Variants in TIMM17A observed in about 807,000 individuals in gnomAD.
The protein encoded by TIMM17A is translocase of inner mitochondrial membrane 17A, also known as mitochondrial import inner membrane translocase subunit Tim17-A.
In TIMM17A, 15 loss-of-function variants were observed where a neutral mutation model predicts 26.5. The observed-to-expected ratio is 0.57, with a 90% CI of 0.38 to 0.87. The LOEUF (loss-of-function observed/expected upper bound fraction) is 0.87, where lower values mean the gene tolerates loss of function less well. Among genes scored for constraint, TIMM17A ranks in the 40% least tolerant of loss-of-function variants. The pLI, the probability that TIMM17A is intolerant of heterozygous loss-of-function variation, is 0.00. For synonymous variants in TIMM17A, 80 were observed against 70.8 expected, an observed-to-expected ratio of 1.13 and a Z score of -0.66; for missense variants, 201 against 210.0, an observed-to-expected ratio of 0.96 and a Z score of 0.27.
chr1:201,968,882 CTT>C (rs34417220), intron 5 of TIMM17A, among the ~76,000 whole-genome samples: 8 of 144,398 alleles, frequency 5.5e-5, no homozygotes, highest in Admixed American at 2.1e-4. Context: ...CCCTAAAAGT[CTT>C]TTTTTTTTTT....
intron 5 of TIMM17A, among the ~76,000 whole-genome samples, chr1:201,966,138 C>G (rs1682619856): frequency 6.6e-6 from 1 of 152,106 alleles, no homozygotes; most frequent in African/African-American, 2.4e-5. Flanking sequence ...GCCTGTTGTT[C>G]CTCCTATATG....
In TIMM17A at chr1:201,969,675, A is replaced by G. The variant is rs950491524; in HGVS notation, c.*121A>G. The G allele has an allele frequency of 1.6e-5, 12 of 728,696 alleles. No individual in the cohort carries two copies. The highest frequency in any genetic ancestry group is 2.3e-5 in the Non-Finnish European group (10 of 434,470). The allele number at this position is 728,696 out of a possible 1,614,324, so 45.1% of individuals were successfully genotyped here. A position where few individuals can be genotyped will look rare whatever the true frequency, so the allele number is the denominator to read the frequency against. ...GACAGCTATGGCCAATAGGCTATAA[A>G]GAGACATTTAGCACTTTTTTCTATT... On this transcript the variant is annotated 3_prime_UTR_variant, in exon 6 of 6. Transcript: ENST00000367287.
chr1:201,963,289 T>C (rs1483148147), intron 3 of TIMM17A: 1 of 190,586 alleles, frequency 5.2e-6, no homozygotes, highest in Admixed American at 6.4e-5. Context: ...TTAGCCAGGC[T>C]GGTCTTGAAC....
chr1:201,967,348 A>G (rs1682651949), intron 5 of TIMM17A, among the ~76,000 whole-genome samples: 1 of 151,952 alleles, frequency 6.6e-6, no homozygotes, highest in Non-Finnish European at 1.5e-5. Flanking sequence ...TCACTTTCCA[A>G]TTTTGTTTTG....
chr1:201,961,296 A>G (rs537287328), intron 3 of TIMM17A, among the ~76,000 whole-genome samples: 109 of 152,124 alleles, frequency 7.2e-4, no homozygotes, highest in African/African-American at 2.6e-3. Flanking sequence ...CGAACTCTTG[A>G]GCTCAGGCAG....
chr1:201,966,662 G>C (rs1002040538), intron 5 of TIMM17A, among the ~76,000 whole-genome samples: 1 of 151,844 alleles, frequency 6.6e-6, no homozygotes, highest in African/African-American at 2.4e-5. Flanking sequence ...TGGCCAACGT[G>C]GTGAAACCCC....
At chr1:201,957,626 A>G in intron 3 of TIMM17A, 52 bp downstream of exon 3, 3 of 1,451,218 alleles carry the variant, frequency 2.1e-6, no homozygotes, top group South Asian at 2.4e-5. Context: ...TCCTTTGAAG[A>G]TGGAGCTATT....
intron 5 of TIMM17A, among the ~76,000 whole-genome samples, 185 bp from the exon 6 acceptor site, chr1:201,969,284 A>G (rs536122061): frequency 1.3e-5 from 2 of 152,320 alleles, no homozygotes; most frequent in South Asian, 4.1e-4. Flanking sequence ...CATATGTTAT[A>G]CCAAATTTGA....
intron 5 of TIMM17A, among the ~76,000 whole-genome samples, chr1:201,965,973 C>T (rs1338959117): frequency 6.6e-6 from 1 of 152,152 alleles, no homozygotes; most frequent in African/African-American, 2.4e-5. Flanking sequence ...AACACATTAA[C>T]AGATAAATTA....
rs960146981 is a variant in TIMM17A at position 201,959,951 on chromosome 1, A to C, written c.190+2377A>C. On this transcript the variant is annotated intron_variant, in intron 3 of 5. Coordinates refer to ENST00000367287, the MANE Select transcript of TIMM17A (RefSeq NM_006335.3). ...GGAGGCGGAACTTGGCAGTGAGCCCAGATCACACCACTGTACTCCAGCCAG... is the reference window on the plus strand; with the variant it reads ...GGAGGCGGAACTTGGCAGTGAGCCCCGATCACACCACTGTACTCCAGCCAG... Among the ~76,000 whole-genome samples the C allele has an allele frequency of 1.5e-4, 23 of 152,218 alleles. No homozygotes were observed. The East Asian group carries it at 4.5e-3, about 29-fold the overall frequency.
intron 1 of TIMM17A, among the ~76,000 whole-genome samples, chr1:201,956,975 A>T (rs916651218): frequency 6.6e-6 from 1 of 151,694 alleles, no homozygotes; most frequent in Non-Finnish European, 1.5e-5. Flanking sequence ...AAAAAAAACA[A>T]CTTAGAAAAA....
chr1:201,963,553 A>G, intron 3 of TIMM17A, 63 bp from the exon 4 acceptor site: 3 of 1,543,122 alleles, frequency 1.9e-6, no homozygotes, highest in Non-Finnish European at 2.6e-6. Context: ...TTTGACTATA[A>G]TATTTTAAAT....
Position 201,970,371 on chromosome 1 carries a change from C to T in TIMM17A, c.*817C>T, listed in dbSNP as rs978721140. ...ATGTGTTCCAAGTCCTCTGCATAAA[C>T]GATGTATTTTGGGGTCTGGTTGGGC... is the stretch of plus-strand genomic sequence containing the variant. On this transcript the variant is annotated 3_prime_UTR_variant, in exon 6 of 6. Coordinates refer to ENST00000367287, the MANE Select transcript of TIMM17A (RefSeq NM_006335.3). The T allele has an allele frequency of 3.3e-5, 5 of 152,166 alleles. No homozygotes were observed. Among genetic ancestry groups the T allele is most frequent in the African/African-American group, 9.7e-5 (4 of 41,436 alleles). The allele number at this position is 152,166 out of a possible 1,614,324, so 9.4% of individuals were successfully genotyped here.
At chr1:201,959,843 C>CA (rs1045792385) in intron 3 of TIMM17A, among the ~76,000 whole-genome samples, 12 of 149,978 alleles carry the variant, frequency 8.0e-5, no homozygotes, top group South Asian at 4.2e-4. Context: ...AAAACAACAA[C>CA]AAAAAAAATT....
chr1:201,969,063 G>A (rs1406227231), intron 5 of TIMM17A, among the ~76,000 whole-genome samples: 1 of 152,018 alleles, frequency 6.6e-6, no homozygotes. Flanking sequence ...AACATGACTA[G>A]GATACTTATA....
At chr1:201,958,944 A>G (rs1051586600) in intron 3 of TIMM17A, among the ~76,000 whole-genome samples, 9 of 152,166 alleles carry the variant, frequency 5.9e-5, no homozygotes, top group South Asian at 2.1e-4. Context: ...TCCCTGTGTA[A>G]GAATTATCTA....
intron 3 of TIMM17A, chr1:201,962,863 A>G (rs953544023): frequency 6.6e-6 from 1 of 152,164 alleles, no homozygotes; most frequent in Non-Finnish European, 1.5e-5. Context: ...TTGTTTTCCC[A>G]TCGGTGATTT....
intron 3 of TIMM17A, among the ~76,000 whole-genome samples, chr1:201,960,956 G>C (rs1682512153): frequency 6.6e-6 from 1 of 151,900 alleles, no homozygotes; most frequent in Admixed American, 6.6e-5. Flanking sequence ...CACCATATTG[G>C]TCAGGCAGGT....
At chr1:201,967,607 A>G (rs1682658794) in intron 5 of TIMM17A, among the ~76,000 whole-genome samples, 1 of 150,922 alleles carries the variant, frequency 6.6e-6, no homozygotes. Flanking sequence ...CAGTGGTGCA[A>G]TCTCGGCTCA....
Sources: gnomAD v4.1 joint callset for allele counts (sites outside exome capture counted in the v4.1 genomes callset) on GRCh38, gnomAD v4.1.1 for gene constraint, MANE v1.5 for transcripts, NCBI Gene and HGNC (gene_info 2026-07-23, HGNC 2026-07-21) for gene names.